SGMS2: variants seen among roughly 807,000 people sequenced by gnomAD.
SGMS2 encodes sphingomyelin synthase 2, also known as phosphatidylcholine:ceramide cholinephosphotransferase 2.
In SGMS2, 21 loss-of-function variants were observed where a neutral mutation model predicts 43.8. That is an observed-to-expected ratio of 0.48 (90% CI 0.34 to 0.69). The LOEUF (loss-of-function observed/expected upper bound fraction) is 0.69, where lower values mean the gene tolerates loss of function less well. Ranked by LOEUF, SGMS2 falls within the 30% of genes least tolerant of loss-of-function variation. SGMS2 has a pLI of 0.01. For missense variants in SGMS2, 384 were observed against 443.2 expected (o/e 0.87, Z 1.20); for synonymous variants, 167 against 160.6 (o/e 1.04, Z -0.30).
chr4:107,868,239 C>A (rs1728276319), intron 2 of SGMS2, among the ~76,000 whole-genome samples: 1 of 152,148 alleles, frequency 6.6e-6, no homozygotes, highest in African/African-American at 2.4e-5. Flanking sequence ...ATGATTTTAT[C>A]GTAGGTAAGG....
At chr4:107,889,810 GA>G (rs1730057954) in intron 2 of SGMS2, among the ~76,000 whole-genome samples, 1 of 152,048 alleles carries the variant, frequency 6.6e-6, no homozygotes, top group South Asian at 2.1e-4. Context: ...GATACAGAGA[GA>G]AAAAGTCTAG....
rs559376100 is a variant in SGMS2, at chr4:107,833,043, C to A, written c.-327+7790C>A. On this transcript the variant is annotated intron_variant, in intron 1 of 6. Transcript: ENST00000690982. Reference sequence around the variant, plus strand: ...ATCCTTTCTCAAAAAAGAAAAAAGACGTTGATACTAATTTTCACTATAGTG... The same window carrying A: ...ATCCTTTCTCAAAAAAGAAAAAAGAAGTTGATACTAATTTTCACTATAGTG... Among the ~76,000 whole-genome samples, 27 of 152,140 alleles carry A rather than the reference C, an allele frequency of 1.8e-4. No homozygotes were observed. The East Asian group carries it at 2.9e-3, about 16-fold the overall frequency.
chr4:107,850,859 G>A (rs553810285), intron 1 of SGMS2, among the ~76,000 whole-genome samples: 70 of 152,236 alleles, frequency 4.6e-4, no homozygotes, highest in African/African-American at 1.6e-3. Context: ...ACTTCTGGGG[G>A]CTTTGCTTTA....
chr4:107,832,542 A>C (rs560651485), intron 1 of SGMS2, among the ~76,000 whole-genome samples: 3 of 152,234 alleles, frequency 2.0e-5, no homozygotes, highest in Non-Finnish European at 4.4e-5. Context: ...AGGCAGCTTG[A>C]CTGCAGAGTC....
At chr4:107,879,069 T>C (rs1729139936) in intron 2 of SGMS2, among the ~76,000 whole-genome samples, 1 of 151,910 alleles carries the variant, frequency 6.6e-6, no homozygotes, top group Non-Finnish European at 1.5e-5. Flanking sequence ...GGGTAAGTAC[T>C]GTATTCATTT....
rs147009497 is a variant in SGMS2 at position 107,831,844 on chromosome 4, A to G, written c.-327+6591A>G. ...AAGAAGTGTATAACATCAGCTGTGAATGCTGAAAAGCTTTTCAAGCCACAG... is the reference window on the plus strand; with the variant it reads ...AAGAAGTGTATAACATCAGCTGTGAGTGCTGAAAAGCTTTTCAAGCCACAG... On this transcript the variant is annotated intron_variant, in intron 1 of 6. Transcript: ENST00000690982. Among the ~76,000 whole-genome samples the G allele has an allele frequency of 4.5e-4, 69 of 152,336 alleles. No homozygotes were observed. In the South Asian group the frequency reaches 6.6e-3, roughly 15 times the overall value.
At chr4:107,900,853 CAAA>C (rs982657267) in intron 4 of SGMS2, among the ~76,000 whole-genome samples, 4 of 152,098 alleles carry the variant, frequency 2.6e-5, no homozygotes, top group Non-Finnish European at 5.9e-5. Flanking sequence ...CCAAAGCCAT[CAAA>C]GCAGAAAATA....
At chr4:107,848,169 A>AT (rs1438945812) in intron 1 of SGMS2, among the ~76,000 whole-genome samples, 3 of 152,186 alleles carry the variant, frequency 2.0e-5, no homozygotes. Flanking sequence ...ATCATACAGT[A>AT]TATAGCCTTT....
chr4:107,892,719 A>G (rs1730336052), intron 2 of SGMS2, among the ~76,000 whole-genome samples: 1 of 152,140 alleles, frequency 6.6e-6, no homozygotes, highest in Non-Finnish European at 1.5e-5. Flanking sequence ...TAGATAAGAG[A>G]TAAATGGTTG....
chr4:107,831,296 G>T (rs1725877299), intron 1 of SGMS2, among the ~76,000 whole-genome samples: 1 of 152,114 alleles, frequency 6.6e-6, no homozygotes. Flanking sequence ...ACATTTCTGT[G>T]GTCCGTGCTG....
At chr4:107,825,539 C>G (rs1725532325) in intron 1 of SGMS2, among the ~76,000 whole-genome samples, 1 of 151,930 alleles carries the variant, frequency 6.6e-6, no homozygotes, top group African/African-American at 2.4e-5. Flanking sequence ...CAGAACCACT[C>G]CGGAGGTCAG....
chr4:107,841,467 T>G (rs1726497658), intron 1 of SGMS2, among the ~76,000 whole-genome samples: 1 of 152,068 alleles, frequency 6.6e-6, no homozygotes, highest in Admixed American at 6.6e-5. Context: ...ATCTTTGCCC[T>G]TGTTGAGAAT....
At chr4:107,844,050 C>T (rs908342197) in intron 1 of SGMS2, among the ~76,000 whole-genome samples, 1 of 151,936 alleles carries the variant, frequency 6.6e-6, no homozygotes, top group South Asian at 2.1e-4. Context: ...TTGCCAGGCA[C>T]GGTGGCTCAC....
chr4:107,895,269 G>A, intron 2 of SGMS2, 41 bp from the exon 3 acceptor site: 1 of 357,370 alleles, frequency 2.8e-6, no homozygotes, highest in Non-Finnish European at 5.0e-6. Flanking sequence ...TTGACAGTTG[G>A]ACAAGCATAG....
chr4:107,903,095 T>G (rs886115278), intron 4 of SGMS2, 138 bp from the exon 5 acceptor site: 1 of 773,044 alleles, frequency 1.3e-6, no homozygotes, highest in Non-Finnish European at 2.2e-6. Flanking sequence ...AGCTTCTCCT[T>G]GGATTCTTTT....
chr4:107,845,723 A>G (rs1360355769), intron 1 of SGMS2, among the ~76,000 whole-genome samples: 2 of 152,282 alleles, frequency 1.3e-5, no homozygotes, highest in Middle Eastern at 3.4e-3. Flanking sequence ...TCTCTTAGGC[A>G]TTGTTTTGTC....
intron 1 of SGMS2, among the ~76,000 whole-genome samples, chr4:107,845,587 G>A (rs996504210): frequency 3.3e-5 from 5 of 152,228 alleles, no homozygotes; most frequent in Non-Finnish European, 7.3e-5. Flanking sequence ...GGCTTGTAGT[G>A]TGGTTCCTTG....
chr4:107,833,666 T>C (rs1726016083), intron 1 of SGMS2, among the ~76,000 whole-genome samples: 1 of 152,264 alleles, frequency 6.6e-6, no homozygotes, highest in Middle Eastern at 3.4e-3. Flanking sequence ...CCAAAAGACT[T>C]CTGGTCCCAA....
chr4:107,913,548 T>G lies in SGMS2; in HGVS notation c.*2995T>G, dbSNP rs1264156477. ...AAACACCACTTTTAAAAGCCTGTTTTCAAGTTTTTGAAAGGCATTTGTTTT... is the reference window on the plus strand; with the variant it reads ...AAACACCACTTTTAAAAGCCTGTTTGCAAGTTTTTGAAAGGCATTTGTTTT... On this transcript the variant is annotated 3_prime_UTR_variant, in exon 7 of 7. Coordinates refer to ENST00000690982, the MANE Select transcript of SGMS2 (RefSeq NM_001375905.1). The G allele has an allele frequency of 6.6e-6, 1 of 152,206 alleles. No individual in the cohort carries two copies. The highest frequency in any genetic ancestry group is 1.9e-4 in the East Asian group (1 of 5,202). The allele number at this position is 152,206 out of a possible 1,614,324, so 9.4% of individuals were successfully genotyped here.
Sources: gnomAD v4.1 joint callset for allele counts (sites outside exome capture counted in the v4.1 genomes callset) on GRCh38, gnomAD v4.1.1 for gene constraint, MANE v1.5 for transcripts, NCBI Gene and HGNC (gene_info 2026-07-23, HGNC 2026-07-21) for gene names.